Variants in KDM4C observed in about 807,000 individuals in gnomAD.
The protein encoded by KDM4C is lysine demethylase 4C.
A neutral mutation model predicts 129.3 loss-of-function variants in KDM4C; 81 were observed. The ratio of observed to expected loss-of-function variants is 0.63; its 90% confidence interval spans 0.52 to 0.75. KDM4C has a LOEUF of 0.75. KDM4C is among the 30% of genes least tolerant of loss of function. KDM4C has a pLI of 0.00. For synonymous variants in KDM4C, 573 were observed against 456.1 expected, an observed-to-expected ratio of 1.26 and a Z score of -3.26; for missense variants, 1,457 against 1,304.0, an observed-to-expected ratio of 1.12 and a Z score of -1.81.
intron 15 of KDM4C, among the ~76,000 whole-genome samples, chr9:7,022,990 A>G (rs1303117241): frequency 6.6e-6 from 1 of 152,208 alleles, no homozygotes; most frequent in East Asian, 1.9e-4. Flanking sequence ...CATTCCTGGG[A>G]TAAATCCCAC....
intron 6 of KDM4C, among the ~76,000 whole-genome samples, chr9:6,881,995 C>G (rs1371587738): frequency 6.6e-6 from 1 of 152,204 alleles, no homozygotes; most frequent in African/African-American, 2.4e-5. Flanking sequence ...ATAATTATCA[C>G]ACTTGCCTTT....
At position 6,867,017 on chromosome 9, in the gene KDM4C, A is replaced by T. The variant is rs13291968; in HGVS notation, c.630-12995A>T. Among the ~76,000 whole-genome samples the T allele has an allele frequency of 7.7e-3, 647 of 83,724 alleles. 9 individuals are homozygous for T. Among genetic ancestry groups the T allele is most frequent in the African/African-American group, 0.024 (529 of 22,346 alleles). The allele number at this position is 83,724 out of a possible 152,430, so 54.9% of individuals were successfully genotyped here. A position where few individuals can be genotyped will look rare whatever the true frequency, so the allele number is the denominator to read the frequency against. The stretch of plus-strand genomic sequence containing the variant: ...TGTGTGTGTATATATATATATATAT[A>T]TTTTTTTTTTTTTTTGGAAGATGGA... On this transcript the variant is annotated intron_variant, in intron 5 of 21. Coordinates refer to ENST00000381309, the MANE Select transcript of KDM4C (RefSeq NM_015061.6).
At position 6,986,326 on chromosome 9, in the gene KDM4C, C is replaced by T; in HGVS notation, c.1355-18C>T. ...ATACAGTGCATGATTTATTAACAGT[C>T]TTCTGTTTTATCCTCAGGAAACAGC... On this transcript the variant is annotated intron_variant, in intron 10 of 21. Coordinates refer to ENST00000381309, the MANE Select transcript of KDM4C (RefSeq NM_015061.6). 1 of 1,558,274 alleles carries T rather than the reference C, an allele frequency of 6.4e-7. No individual in the cohort carries two copies. Among genetic ancestry groups the T allele is most frequent in the Non-Finnish European group, 8.8e-7 (1 of 1,137,248 alleles).
intron 1 of KDM4C, among the ~76,000 whole-genome samples, chr9:6,772,098 T>G (rs1280164713): frequency 6.6e-6 from 1 of 152,218 alleles, no homozygotes; most frequent in Non-Finnish European, 1.5e-5. Context: ...AAATAAGGAT[T>G]TAGAAAGTAA....
At position 6,758,791 on chromosome 9, in the gene KDM4C, A is replaced by G. The variant is rs1343729603; in HGVS notation, c.-18+588A>G. 6.6e-6 allele frequency among the ~76,000 whole-genome samples: 1 copy of G among 152,192 alleles called. No individual in the cohort carries two copies. The highest frequency in any genetic ancestry group is 2.4e-5 in the African/African-American group (1 of 41,452). On this transcript the variant is annotated intron_variant, in intron 1 of 21. Transcript: ENST00000381309. The surrounding 1 kb of genome is among the most constrained non-coding windows in gnomAD (Gnocchi z 4.6). ...GCCTGGAGGAACCATGATGCGGTGT[A>G]GACGGCGGGTGCTTAAATAAATGCG...
At chr9:6,995,192 A>G (rs899147571) in intron 12 of KDM4C, among the ~76,000 whole-genome samples, 2 of 152,034 alleles carry the variant, frequency 1.3e-5, no homozygotes, top group African/African-American at 2.4e-5. Flanking sequence ...GAGGAAGAAA[A>G]GAAGAAAGAT....
At chr9:6,914,409 G>T (rs1022684608) in intron 8 of KDM4C, among the ~76,000 whole-genome samples, 12 of 152,174 alleles carry the variant, frequency 7.9e-5, no homozygotes, top group African/African-American at 1.4e-4. Flanking sequence ...GTCTAAGACA[G>T]TAACAGATGA....
At chr9:7,063,435 C>A (rs931647065) in intron 17 of KDM4C, among the ~76,000 whole-genome samples, 1 of 152,134 alleles carries the variant, frequency 6.6e-6, no homozygotes, top group Non-Finnish European at 1.5e-5. Flanking sequence ...TTCCTATAAG[C>A]TCTTGTTTGG....
intron 8 of KDM4C, among the ~76,000 whole-genome samples, chr9:6,978,406 G>T (rs965788091): frequency 5.3e-5 from 8 of 152,080 alleles, no homozygotes; most frequent in Non-Finnish European, 1.0e-4. Context: ...GTGGGTTTAG[G>T]TTATTTAGAA....
intron 19 of KDM4C, among the ~76,000 whole-genome samples, chr9:7,140,690 G>T (rs576892184): frequency 6.6e-6 from 1 of 152,134 alleles, no homozygotes; most frequent in Non-Finnish European, 1.5e-5. Flanking sequence ...CTTACAGTGA[G>T]CACCTACTAC....
At chr9:6,779,704 C>A (rs1390376511) in intron 1 of KDM4C, among the ~76,000 whole-genome samples, 1 of 152,168 alleles carries the variant, frequency 6.6e-6, no homozygotes, top group African/African-American at 2.4e-5. Flanking sequence ...TATCAAATCC[C>A]TTTCTGCTTA....
At chr9:6,831,143 G>A (rs1834743716) in intron 4 of KDM4C, among the ~76,000 whole-genome samples, 1 of 152,046 alleles carries the variant, frequency 6.6e-6, no homozygotes, top group South Asian at 2.1e-4. Context: ...GGGGAAGCGG[G>A]GATCTGTGGA....
chr9:6,951,000 C>CA (rs1828044737), intron 8 of KDM4C, among the ~76,000 whole-genome samples: 1 of 152,010 alleles, frequency 6.6e-6, no homozygotes, highest in South Asian at 2.1e-4. Flanking sequence ...GGGAGGCATT[C>CA]ATTTATTCAT....
chr9:7,019,171 G>A (rs1330320216), intron 15 of KDM4C, among the ~76,000 whole-genome samples: 2 of 152,186 alleles, frequency 1.3e-5, no homozygotes, highest in Admixed American at 6.5e-5. Context: ...CTGATTTAGT[G>A]TCGTGGTGAG....
At chr9:7,052,515 A>T (rs1206349374) in intron 17 of KDM4C, among the ~76,000 whole-genome samples, 1 of 152,228 alleles carries the variant, frequency 6.6e-6, no homozygotes, top group Non-Finnish European at 1.5e-5. Context: ...CTTTAAATGT[A>T]ACAGATCTAA....
At chr9:7,148,593 C>T (rs1163530721) in intron 19 of KDM4C, among the ~76,000 whole-genome samples, 3 of 152,304 alleles carry the variant, frequency 2.0e-5, no homozygotes, top group East Asian at 3.9e-4. Flanking sequence ...GGTGAGGCAG[C>T]CAGGAACGTG....
At chr9:6,773,783 A>AT (rs1028396260) in intron 1 of KDM4C, among the ~76,000 whole-genome samples, 1 of 148,934 alleles carries the variant, frequency 6.7e-6, no homozygotes, top group African/African-American at 2.5e-5. Flanking sequence ...AAAAAAAAAA[A>AT]AAAGTATAGG....
At chr9:6,835,088 A>G (rs1225873879) in intron 4 of KDM4C, 2 of 995,432 alleles carry the variant, frequency 2.0e-6, no homozygotes, top group Non-Finnish European at 3.2e-6. Context: ...CGTGACATCA[A>G]GGAGAAGCTG....
chr9:7,169,581 C>G (rs1166010746), intron 20 of KDM4C, among the ~76,000 whole-genome samples: 1 of 152,190 alleles, frequency 6.6e-6, no homozygotes, highest in Admixed American at 6.5e-5. Context: ...ATCTGCCTGC[C>G]TCAGCCTCCC....
Sources: allele counts gnomAD v4.1 joint callset (sites outside exome capture counted in the v4.1 genomes callset), GRCh38; gene constraint gnomAD v4.1.1; non-coding constraint Gnocchi (gnomAD v3.1); transcripts MANE v1.5; gene names NCBI Gene and HGNC (gene_info 2026-07-23, HGNC 2026-07-21).